Variants in ELAVL4 observed in about 807,000 individuals in gnomAD.
ELAVL4 encodes ELAV like RNA binding protein 4, also known as ELAV-like protein 4.
Under a neutral mutation model 35.6 loss-of-function variants are expected in ELAVL4, and 1 was observed. The observed-to-expected ratio is 0.03, with a 90% confidence interval of 0.01 to 0.13. The LOEUF (loss-of-function observed/expected upper bound fraction) is 0.13. ELAVL4 is among the 10% of genes least tolerant of loss of function. The probability of loss-of-function intolerance (pLI) is 1.00; values close to 1 mark genes in which losing one functional copy is unlikely to be tolerated. For synonymous variants in ELAVL4, 156 were observed against 171.0 expected, an observed-to-expected ratio of 0.91 and a Z score of 0.69; for missense variants, 267 against 464.9, an observed-to-expected ratio of 0.57 and a Z score of 3.91.
intron 2 of ELAVL4, among the ~76,000 whole-genome samples, chr1:50,146,877 A>C (rs1034877605): frequency 5.9e-5 from 9 of 152,092 alleles, no homozygotes; most frequent in African/African-American, 2.2e-4. Context: ...AACTGTAGCG[A>C]GATTTTTGAG....
intron 1 of ELAVL4, among the ~76,000 whole-genome samples, chr1:50,117,010 C>G (rs1439753619): frequency 6.6e-6 from 1 of 152,006 alleles, no homozygotes; most frequent in Non-Finnish European, 1.5e-5. Context: ...TAACCATTCC[C>G]CAAAGGAAGC....
At chr1:50,179,732 C>T (rs1001460869) in intron 3 of ELAVL4, 3 of 152,120 alleles carry the variant, frequency 2.0e-5, no homozygotes, top group African/African-American at 4.8e-5. Context: ...CAAATTTCCC[C>T]CTCCTTTTCA....
intron 1 of ELAVL4, among the ~76,000 whole-genome samples, chr1:50,051,626 T>G (rs754632588): frequency 1.3e-5 from 2 of 152,240 alleles, no homozygotes; most frequent in Non-Finnish European, 2.9e-5. Context: ...GCTTCAGTTA[T>G]CTGGATATCT....
intron 1 of ELAVL4, among the ~76,000 whole-genome samples, chr1:50,091,240 C>T (rs1198577470): frequency 6.6e-6 from 1 of 152,192 alleles, no homozygotes; most frequent in Non-Finnish European, 1.5e-5. Flanking sequence ...CACCTGGCTG[C>T]TCGCCACCTT....
intron 1 of ELAVL4, among the ~76,000 whole-genome samples, chr1:50,071,781 C>T (rs768138465): frequency 2.6e-5 from 4 of 152,098 alleles, no homozygotes; most frequent in Non-Finnish European, 4.4e-5. Context: ...CTCTGCATTT[C>T]AGTTTCCTTG....
intron 2 of ELAVL4, among the ~76,000 whole-genome samples, chr1:50,176,295 C>T (rs1680015652): frequency 6.6e-6 from 1 of 152,310 alleles, no homozygotes; most frequent in African/African-American, 2.4e-5. Context: ...TAGAAACCCC[C>T]TCTCCTTTTT....
intron 1 of ELAVL4, among the ~76,000 whole-genome samples, chr1:50,062,256 C>G (rs1049359070): frequency 7.9e-5 from 12 of 152,130 alleles, no homozygotes; most frequent in African/African-American, 2.9e-4. Context: ...GGTCTTTGCT[C>G]TAAATGCAAT....
At chr1:50,131,483 G>GT (rs779487103) in intron 1 of ELAVL4, among the ~76,000 whole-genome samples, 3 of 151,952 alleles carry the variant, frequency 2.0e-5, no homozygotes, top group East Asian at 1.9e-4. Context: ...TACAGTAGGA[G>GT]TTTTTTTAAA....
intron 2 of ELAVL4, among the ~76,000 whole-genome samples, chr1:50,173,134 C>A (rs765092004): frequency 6.6e-6 from 1 of 152,150 alleles, no homozygotes; most frequent in African/African-American, 2.4e-5. Flanking sequence ...TTGTTGATGA[C>A]TTACTATGTG....
intron 1 of ELAVL4, chr1:50,141,786 A>G (rs190054687): frequency 6.6e-6 from 1 of 152,342 alleles, no homozygotes; most frequent in Non-Finnish European, 1.5e-5. Flanking sequence ...CTAGAATCCT[A>G]AAGTTGACCT....
At position 50,112,886 on chromosome 1, in the gene ELAVL4, G is replaced by A. The variant is rs541239689; in HGVS notation, c.9+3688G>A. Among the ~76,000 whole-genome samples, 8 of 152,000 alleles carry A rather than the reference G, an allele frequency of 5.3e-5. No homozygotes were observed. In the South Asian group the frequency reaches 1.5e-3, roughly 28 times the overall value. ...CCTTCCTTGGTCCTTTGAAAATTAG[G>A]GTGTTGTTATGAGAGGAAGGCCAGA... On this transcript the variant is annotated intron_variant, in intron 1 of 6. Transcript: ENST00000371824.
At position 50,202,525 on chromosome 1, in the gene ELAVL4, TA is replaced by T. The variant is rs1644429701; in HGVS notation, c.*1348del. The T allele has an allele frequency of 6.6e-6, 1 of 152,192 alleles. No homozygotes were observed. The highest frequency in any genetic ancestry group is 1.5e-5 in the Non-Finnish European group (1 of 68,022). The allele number at this position is 152,192 out of a possible 1,614,324, so 9.4% of individuals were successfully genotyped here. On this transcript the variant is annotated 3_prime_UTR_variant, in exon 7 of 7. Coordinates refer to ENST00000371824, the MANE Select transcript of ELAVL4 (RefSeq NM_001144774.3). ...CACTGTTTATGTTGCTTGAAACACT[TA>T]TTTATTTAATCGCCGATGTGATGAT...
At chr1:50,049,643 A>G (rs1042895250) in intron 1 of ELAVL4, among the ~76,000 whole-genome samples, 1 of 152,132 alleles carries the variant, frequency 6.6e-6, no homozygotes, top group Non-Finnish European at 1.5e-5. Flanking sequence ...AGACTGTGGC[A>G]CTGTGGCTTA....
chr1:50,058,281 C>T (rs544406480), intron 1 of ELAVL4, among the ~76,000 whole-genome samples: 65 of 152,170 alleles, frequency 4.3e-4, no homozygotes, highest in South Asian at 2.1e-3. Flanking sequence ...ATTGGGATAA[C>T]CAGTACTGTA....
At chr1:50,087,552 T>G (rs766714585) in intron 1 of ELAVL4, among the ~76,000 whole-genome samples, 12 of 152,210 alleles carry the variant, frequency 7.9e-5, no homozygotes, top group Non-Finnish European at 1.6e-4. Flanking sequence ...TGTAACCACC[T>G]CAAGTAGACA....
chr1:50,127,026 GGAAGAGTAAGA>G (rs1342198968), intron 1 of ELAVL4, among the ~76,000 whole-genome samples: 1 of 151,892 alleles, frequency 6.6e-6, no homozygotes, highest in Admixed American at 6.6e-5. Context: ...AAACAGAGCA[GGAAGAGTAAGA>G]GAACGCTTAA....
intron 1 of ELAVL4, among the ~76,000 whole-genome samples, chr1:50,052,798 A>G (rs1320254604): frequency 1.3e-5 from 2 of 152,234 alleles, no homozygotes; most frequent in Non-Finnish European, 2.9e-5. Context: ...TCTGTTCCAC[A>G]TGTTCATGCA....
chr1:50,050,466 A>T (rs775783121), intron 1 of ELAVL4, among the ~76,000 whole-genome samples: 1 of 152,214 alleles, frequency 6.6e-6, no homozygotes, highest in Non-Finnish European at 1.5e-5. Context: ...ATTTGATTTT[A>T]TGTGCATTAT....
chr1:50,101,459 A>T (rs1170602595), upstream of ELAVL4, among the ~76,000 whole-genome samples: 1 of 152,244 alleles, frequency 6.6e-6, no homozygotes, highest in African/African-American at 2.4e-5. Context: ...AAAGCATGTC[A>T]CAAAGAAATC....
Sources: allele counts gnomAD v4.1 joint callset (sites outside exome capture counted in the v4.1 genomes callset), GRCh38; gene constraint gnomAD v4.1.1; transcripts MANE v1.5; gene names NCBI Gene and HGNC (gene_info 2026-07-23, HGNC 2026-07-21).